CACNA1C: variants seen among roughly 807,000 people sequenced by gnomAD.
CACNA1C encodes voltage-dependent L-type calcium channel subunit alpha-1C.
Under a neutral mutation model 229.0 loss-of-function variants are expected in CACNA1C, and 30 were observed. The ratio of observed to expected loss-of-function variants is 0.13; its 90% CI spans 0.10 to 0.18. The LOEUF (loss-of-function observed/expected upper bound fraction) is 0.18, where lower values mean the gene tolerates loss of function less well. Among genes scored for constraint, CACNA1C ranks in the 10% least tolerant of loss-of-function variants. The pLI is 1.00. For missense variants in CACNA1C, 1,658 were observed against 2,845.0 expected, an observed-to-expected ratio of 0.58 and a Z score of 9.49; for synonymous variants, 1,114 against 1,132.5, an observed-to-expected ratio of 0.98 and a Z score of 0.33.
chr12:2,220,733 T>C (rs1347298749), intron 3 of CACNA1C: 1 of 152,252 alleles, frequency 6.6e-6, no homozygotes, highest in East Asian at 1.9e-4. Context: ...ATACTAAAAT[T>C]ATTTCCTTTT....
At position 2,287,649 on chromosome 12, in the gene CACNA1C, A is replaced by T. The variant is rs1191051733; in HGVS notation, c.478-161327A>T. Among the ~76,000 whole-genome samples, 1 of 152,172 alleles carries T rather than the reference A, an allele frequency of 6.6e-6. No individual in the cohort carries two copies. The highest frequency in any genetic ancestry group is 1.5e-5 in the Non-Finnish European group (1 of 68,034). On this transcript the variant is annotated intron_variant, in intron 3 of 46. Transcript: ENST00000399655. This position sits in a 1 kb window ranked among gnomAD's most constrained non-coding sequence, Gnocchi z 4.6. ...ATCATCTGGGATCATTTAACAAAAA[A>T]CAATGCCAGGATCCTACAGTCTACT...
In CACNA1C at chr12:2,691,387, C is replaced by G. The variant is rs2097786564; in HGVS notation, c.*188C>G. 1 of 565,384 alleles carries G rather than the reference C, an allele frequency of 1.8e-6. No homozygotes were observed. The highest frequency in any genetic ancestry group is 4.1e-5 in the Admixed American group (1 of 24,342). 35.0% of individuals were successfully genotyped at this position (565,384 alleles called of 1,614,324 possible). On this transcript the variant is annotated 3_prime_UTR_variant, in exon 47 of 47. Transcript: ENST00000399655. ...CCGGGAGGAAGGCGCCCGGCTGCGT[C>G]TGCAGAGGCGGGGAGAGGAGGCGGC...
At chr12:2,676,095 A>G (rs932780137) in intron 39 of CACNA1C, 2 of 152,234 alleles carry the variant, frequency 1.3e-5, no homozygotes, top group African/African-American at 2.4e-5. Context: ...TGCTGGCCCA[A>G]GGTTACCTGG....
intron 3 of CACNA1C, among the ~76,000 whole-genome samples, chr12:2,426,277 A>G (rs2099031256): frequency 6.6e-6 from 1 of 152,242 alleles, no homozygotes; most frequent in Non-Finnish European, 1.5e-5. Context: ...TTGAGAAGGT[A>G]ATAAACCCAT....
chr12:2,267,064 C>T (rs890391791), intron 3 of CACNA1C, among the ~76,000 whole-genome samples: 4 of 152,154 alleles, frequency 2.6e-5, no homozygotes, highest in African/African-American at 7.2e-5. Context: ...CATTACTTCA[C>T]GTGGACTTTG....
rs2059498734 is a variant in CACNA1C, at chr12:2,067,024, G to A, written c.49+13413G>A. Among the ~76,000 whole-genome samples the A allele has an allele frequency of 6.6e-6, 1 of 152,168 alleles. No homozygotes were observed. Among genetic ancestry groups the A allele is most frequent in the Admixed American group, 6.5e-5 (1 of 15,280 alleles). ...AGGGTGCCCAGGTCCCAGAGGCACC[G>A]GCCGAGGTCTGGAAGCATGAGTTAG... On this transcript the variant is annotated intron_variant, in intron 1 of 46. Transcript: ENST00000399655. This position sits in a 1 kb window ranked among gnomAD's most constrained non-coding sequence, Gnocchi z 5.3.
At chr12:2,106,709 G>A (rs1288754166) in intron 1 of CACNA1C, among the ~76,000 whole-genome samples, 1 of 111,774 alleles carries the variant, frequency 8.9e-6, no homozygotes, top group Non-Finnish European at 1.8e-5. Context: ...CCCGGGGAGG[G>A]TTTCCACCTC....
intron 1 of CACNA1C, among the ~76,000 whole-genome samples, chr12:2,092,093 G>C (rs531636125): frequency 3.3e-5 from 5 of 152,314 alleles, no homozygotes; most frequent in Non-Finnish European, 7.3e-5. Context: ...CTGCCCTGAA[G>C]GGTAGAAGAG....
chr12:2,556,938 T>C lies in CACNA1C; in HGVS notation c.1482-13T>C. On this transcript the variant is annotated splice_polypyrimidine_tract_variant and intron_variant, in intron 10 of 46. Transcript: ENST00000399655. The stretch of plus-strand genomic sequence containing the variant: ...TGTCCATCCTTTGGTAACATTTCCT[T>C]TTTCTTTTTCAGCCACCGGATCTCC... 1 of 1,611,108 alleles carries C rather than the reference T, an allele frequency of 6.2e-7. No homozygotes were observed. Among genetic ancestry groups the C allele is most frequent in the Non-Finnish European group, 8.5e-7 (1 of 1,177,308 alleles).
In CACNA1C at chr12:2,691,240, T is replaced by G; in HGVS notation, c.*41T>G. The G allele has an allele frequency of 6.7e-7, 1 of 1,496,024 alleles. No individual in the cohort carries two copies. The highest frequency in any genetic ancestry group is 8.9e-7 in the Non-Finnish European group (1 of 1,122,574). 92.7% of individuals were successfully genotyped at this position (1,496,024 alleles called of 1,614,324 possible). ...GCGGGCTTTTTTTTATTTGTTTCAA[T>G]GTTCCTAATGGGTTCGTTTCAGAAG... On this transcript the variant is annotated 3_prime_UTR_variant, in exon 47 of 47. Transcript: ENST00000399655.
At chr12:2,362,143 G>A (rs1239727708) in intron 3 of CACNA1C, among the ~76,000 whole-genome samples, 1 of 152,172 alleles carries the variant, frequency 6.6e-6, no homozygotes, top group East Asian at 1.9e-4. Flanking sequence ...TGTCCCCCTG[G>A]CCACAGACAC....
intron 1 of CACNA1C, among the ~76,000 whole-genome samples, chr12:2,106,456 TG>T (rs1295742667): frequency 8.6e-5 from 8 of 93,026 alleles, no homozygotes; most frequent in East Asian, 3.6e-4. Flanking sequence ...CCACCTCAGC[TG>T]GGGTGTCCTG....
intron 1 of CACNA1C, among the ~76,000 whole-genome samples, chr12:2,093,470 G>A (rs1184091496): frequency 6.6e-6 from 1 of 152,198 alleles, no homozygotes; most frequent in Admixed American, 6.5e-5. Flanking sequence ...AGTGACCAAG[G>A]CCATGAGCTG....
chr12:2,242,106 C>T (rs138096284), intron 3 of CACNA1C, among the ~76,000 whole-genome samples: 12 of 152,314 alleles, frequency 7.9e-5, no homozygotes, highest in Admixed American at 1.3e-4. Context: ...CCGCATCCTC[C>T]GACCTGGCCT....
At chr12:2,172,031 C>G (rs2096502432) in intron 3 of CACNA1C, among the ~76,000 whole-genome samples, 1 of 152,204 alleles carries the variant, frequency 6.6e-6, no homozygotes, top group South Asian at 2.1e-4. Flanking sequence ...AGCGTGAATG[C>G]AGGGTTGTTC....
At chr12:2,002,803 T>C (rs892252747) in intron 1 of CACNA1C, among the ~76,000 whole-genome samples, 2 of 152,140 alleles carry the variant, frequency 1.3e-5, no homozygotes, top group Admixed American at 1.3e-4. Flanking sequence ...AAAATAGCCA[T>C]ATGTAGAATA....
At chr12:2,607,459 T>G (rs1262196645) in intron 26 of CACNA1C, 1 of 233,260 alleles carries the variant, frequency 4.3e-6, no homozygotes, top group Non-Finnish European at 8.3e-6. Context: ...GGAGAGCTTC[T>G]CCAGGTGTGG....
intron 3 of CACNA1C, among the ~76,000 whole-genome samples, chr12:2,396,410 A>G (rs1021818061): frequency 3.3e-5 from 5 of 152,106 alleles, no homozygotes; most frequent in African/African-American, 1.2e-4. Flanking sequence ...AAGAAGAGGG[A>G]TGATTTTTCT....
intron 11 of CACNA1C, among the ~76,000 whole-genome samples, chr12:2,557,805 C>T (rs1387061529): frequency 6.6e-6 from 1 of 152,248 alleles, no homozygotes; most frequent in Admixed American, 6.5e-5. Context: ...TACTGGCTCA[C>T]AGTCCCCTGC....
Sources: allele counts gnomAD v4.1 joint callset (sites outside exome capture counted in the v4.1 genomes callset), GRCh38; gene constraint gnomAD v4.1.1; non-coding constraint Gnocchi (gnomAD v3.1); transcripts MANE v1.5; gene names NCBI Gene and HGNC (gene_info 2026-07-23, HGNC 2026-07-21).